The following BICRAL variants were observed in gnomAD, a reference collection of about 807,000 sequenced individuals.
BICRAL encodes BRD4-interacting chromatin-remodeling complex-associated protein-like.
A neutral mutation model predicts 91.8 loss-of-function variants in BICRAL; 8 were observed. The ratio of observed to expected loss-of-function variants is 0.09; its 90% CI spans 0.05 to 0.16. The LOEUF is 0.16. Ranked by LOEUF, BICRAL falls within the 10% of genes least tolerant of loss-of-function variation. BICRAL has a pLI of 1.00. For missense variants in BICRAL, 1,038 were observed against 1,310.9 expected (o/e 0.79, Z 3.21); for synonymous variants, 445 against 491.1 (o/e 0.91, Z 1.24).
At chr6:42,859,639 G>GAT (rs1489157532) in intron 10 of BICRAL, among the ~76,000 whole-genome samples, 2 of 151,310 alleles carry the variant, frequency 1.3e-5, no homozygotes, top group Non-Finnish European at 2.9e-5. Context: ...TCTACTCATT[G>GAT]ATATATATAT....
At chr6:42,853,581 T>C in intron 7 of BICRAL, 57 bp from the exon 8 acceptor site, 1 of 1,275,428 alleles carries the variant, frequency 7.8e-7, no homozygotes, top group Non-Finnish European at 1.1e-6. Context: ...TAGGGTTATA[T>C]GATGGACCCA....
At chr6:42,811,110 G>GA (rs1489911121) in intron 2 of BICRAL, among the ~76,000 whole-genome samples, 1 of 152,110 alleles carries the variant, frequency 6.6e-6, no homozygotes, top group African/African-American at 2.4e-5. Context: ...TAGAAATGGT[G>GA]AAAATCAGAC....
intron 1 of BICRAL, among the ~76,000 whole-genome samples, chr6:42,763,015 T>C (rs1015072895): frequency 6.6e-6 from 1 of 152,190 alleles, no homozygotes; most frequent in African/African-American, 2.4e-5. Context: ...TTCTTACTGA[T>C]AGAGCTAGTA....
At chr6:42,806,732 C>T (rs770806425) in intron 1 of BICRAL, among the ~76,000 whole-genome samples, 1 of 151,690 alleles carries the variant, frequency 6.6e-6, no homozygotes, top group African/African-American at 2.4e-5. Flanking sequence ...CCAGGCTGGT[C>T]TCAAACTCCT....
chr6:42,761,229 C>T (rs1562449552), intron 1 of BICRAL, among the ~76,000 whole-genome samples: 3 of 151,796 alleles, frequency 2.0e-5, no homozygotes, highest in Admixed American at 1.3e-4. Flanking sequence ...CTGAGGCTGG[C>T]GGATCACCTG....
At position 42,822,991 on chromosome 6, in the gene BICRAL, C is replaced by T. The variant is rs1002040361; in HGVS notation, c.147C>T (p.Phe49=). 30 of 1,603,318 alleles carry T rather than the reference C, an allele frequency of 1.9e-5. No individual in the cohort carries two copies. The highest frequency in any genetic ancestry group is 6.6e-5 in the South Asian group (6 of 90,852). The part of the protein sequence containing the change: ...GYSAANSNSI[F]ANSSNADPKS... ...CTGCAGCCAATTCAAATTCAATTTT[C>T]GCCAACTCTAGTGTGAGTATTGGAA... is the stretch of plus-strand genomic sequence containing the variant. The change falls in exon 5 of 13, where the codon TTC becomes TTT. Residue 49 remains phenylalanine (F), a synonymous_variant. Coordinates refer to ENST00000314073, the MANE Select transcript of BICRAL (RefSeq NM_001393499.1).
At chr6:42,754,484 C>T (rs1483799084) in intron 1 of BICRAL, among the ~76,000 whole-genome samples, 3 of 152,138 alleles carry the variant, frequency 2.0e-5, no homozygotes, top group African/African-American at 7.2e-5. Context: ...GACTTTTTGA[C>T]GTCAACTCAT....
intron 1 of BICRAL, among the ~76,000 whole-genome samples, chr6:42,782,463 C>G (rs1457973269): frequency 2.2e-5 from 3 of 138,454 alleles, no homozygotes; most frequent in Non-Finnish European, 3.1e-5. Flanking sequence ...CCGGGAAGAC[C>G]AAGTTCAGTG....
chr6:42,825,647 C>G (rs1458768736), intron 5 of BICRAL, among the ~76,000 whole-genome samples: 5 of 151,724 alleles, frequency 3.3e-5, no homozygotes, highest in Non-Finnish European at 4.4e-5. Context: ...CCCTTGAGCC[C>G]AGGAGTTGGA....
upstream of BICRAL, among the ~76,000 whole-genome samples, chr6:42,777,247 A>C (rs2113851715): frequency 6.6e-6 from 1 of 152,332 alleles, no homozygotes; most frequent in Admixed American, 6.5e-5. Flanking sequence ...ACCATGCTAA[A>C]CATTTTACAC....
intron 8 of BICRAL, among the ~76,000 whole-genome samples, 154 bp from the exon 9 acceptor site, chr6:42,855,700 GTT>G (rs371639297): frequency 2.1e-5 from 3 of 144,790 alleles, no homozygotes; most frequent in African/African-American, 5.0e-5. Flanking sequence ...CTGTGTACTG[GTT>G]TTTTTTTTTT....
rs911631714 is a variant in BICRAL, at chr6:42,855,369, C to T, written c.2047-487C>T. ...AAGCCTGGAAAATATGGCAAAACTC[C>T]GTCTCTACAAAAAATACCAAAAAAT... On this transcript the variant is annotated intron_variant, in intron 8 of 12. Transcript: ENST00000314073. 5.3e-5 allele frequency among the ~76,000 whole-genome samples: 8 copies of T among 152,240 alleles called. No individual in the cohort carries two copies. In the East Asian group the frequency reaches 9.6e-4, roughly 18 times the overall value.
chr6:42,774,877 G>T (rs1268802087), intron 1 of BICRAL, among the ~76,000 whole-genome samples: 3 of 151,190 alleles, frequency 2.0e-5, no homozygotes, highest in Non-Finnish European at 4.4e-5. Flanking sequence ...TGCCTGCTTA[G>T]TACATACTTA....
At chr6:42,832,504 C>T (rs2113965966) in intron 6 of BICRAL, among the ~76,000 whole-genome samples, 1 of 149,026 alleles carries the variant, frequency 6.7e-6, no homozygotes, top group South Asian at 2.1e-4. Context: ...CACTAAGAAT[C>T]CTAGGGAAAC....
At chr6:42,859,176 G>T (rs1166342656) in intron 10 of BICRAL, among the ~76,000 whole-genome samples, 1 of 152,090 alleles carries the variant, frequency 6.6e-6, no homozygotes, top group African/African-American at 2.4e-5. Flanking sequence ...AGATCATGAG[G>T]TCAGGAGTTC....
intron 10 of BICRAL, among the ~76,000 whole-genome samples, chr6:42,857,614 A>AAAAAAAAAAAAAAATATATATATAT: frequency 1.0e-5 from 1 of 96,220 alleles, no homozygotes; most frequent in Admixed American, 1.0e-4. Context: ...AAAAAAAAAA[A>AAAAAAAAAAAAAAATATATATATAT]ATATATATAT....
chr6:42,821,491 T>C (rs1408843636), intron 2 of BICRAL, among the ~76,000 whole-genome samples: 1 of 152,194 alleles, frequency 6.6e-6, no homozygotes, highest in East Asian at 1.9e-4. Flanking sequence ...AGAGACTGCC[T>C]GCGGCTAGGG....
At chr6:42,809,105 C>A (rs984868337) in intron 1 of BICRAL, among the ~76,000 whole-genome samples, 1 of 149,056 alleles carries the variant, frequency 6.7e-6, no homozygotes, top group Non-Finnish European at 1.5e-5. Flanking sequence ...GCCCCCGGCA[C>A]CCCCCCCAAC....
upstream of BICRAL, among the ~76,000 whole-genome samples, chr6:42,777,878 G>T (rs1762827313): frequency 6.6e-6 from 1 of 152,024 alleles, no homozygotes; most frequent in Non-Finnish European, 1.5e-5. Context: ...AAATTGTAGA[G>T]AATACAATTA....
Sources: gnomAD v4.1 joint callset for allele counts (sites outside exome capture counted in the v4.1 genomes callset) on GRCh38, gnomAD v4.1.1 for gene constraint, MANE v1.5 for transcripts, NCBI Gene and HGNC (gene_info 2026-07-23, HGNC 2026-07-21) for gene names.